The following DZIP3 variants were observed in gnomAD, a reference collection of about 807,000 sequenced individuals.
DZIP3 encodes DAZ interacting zinc finger protein 3, also known as E3 ubiquitin-protein ligase DZIP3.
A neutral mutation model predicts 162.0 loss-of-function variants in DZIP3; 118 were observed. The ratio of observed to expected loss-of-function variants is 0.73; its 90% CI spans 0.63 to 0.85. DZIP3 has a LOEUF of 0.85. DZIP3 is among the 40% of genes least tolerant of loss of function. The probability of loss-of-function intolerance (pLI) is 0.00; values close to 1 mark genes in which losing one functional copy is unlikely to be tolerated. For missense variants in DZIP3, 1,331 were observed against 1,407.0 expected, an observed-to-expected ratio of 0.95 and a Z score of 0.86; for synonymous variants, 438 against 458.6, an observed-to-expected ratio of 0.96 and a Z score of 0.57.
At chr3:108,643,836 A>G (rs1942503551) in intron 13 of DZIP3, among the ~76,000 whole-genome samples, 1 of 152,164 alleles carries the variant, frequency 6.6e-6, no homozygotes, top group Admixed American at 6.6e-5. Context: ...TTCTTGGCAA[A>G]TTTCAGAATT....
intron 11 of DZIP3, among the ~76,000 whole-genome samples, chr3:108,637,218 CTT>C (rs964934996): frequency 3.2e-4 from 49 of 151,962 alleles, no homozygotes; most frequent in South Asian, 4.2e-4. Context: ...AGAAATGTAT[CTT>C]ATTTCTTTAT....
At chr3:108,644,012 T>C in intron 13 of DZIP3, 152 bp from the exon 14 acceptor site, 1 of 885,476 alleles carries the variant, frequency 1.1e-6, no homozygotes, top group Non-Finnish European at 1.6e-6. Flanking sequence ...AGCAGCATGC[T>C]AATTGAGCAC....
chr3:108,603,497 G>A (rs1235828240), intron 1 of DZIP3, among the ~76,000 whole-genome samples: 1 of 152,142 alleles, frequency 6.6e-6, no homozygotes, highest in Non-Finnish European at 1.5e-5. Flanking sequence ...TTGGCTTACT[G>A]AATTTTTGAA....
intron 1 of DZIP3, among the ~76,000 whole-genome samples, chr3:108,598,253 T>C (rs1258230785): frequency 6.6e-6 from 1 of 152,170 alleles, no homozygotes; most frequent in African/African-American, 2.4e-5. Flanking sequence ...TTGGTAAAAT[T>C]TGGGCATGAA....
At chr3:108,620,244 T>C (rs905623521) in intron 5 of DZIP3, among the ~76,000 whole-genome samples, 3 of 152,188 alleles carry the variant, frequency 2.0e-5, no homozygotes, top group African/African-American at 7.2e-5. Flanking sequence ...TGATCAATAT[T>C]TTTATTGGGC....
intron 26 of DZIP3, among the ~76,000 whole-genome samples, chr3:108,682,527 A>C (rs1158405220): frequency 1.3e-5 from 2 of 150,826 alleles, no homozygotes; most frequent in Non-Finnish European, 1.5e-5. Flanking sequence ...AGAAAGACAA[A>C]TACTACCTGA....
intron 5 of DZIP3, among the ~76,000 whole-genome samples, chr3:108,619,324 GT>G (rs1293004099): frequency 6.7e-6 from 1 of 149,124 alleles, no homozygotes; most frequent in Admixed American, 6.6e-5. Flanking sequence ...GTGTGTGTGT[GT>G]TTTGTTTTAT....
chr3:108,611,315 T>G lies in DZIP3; in HGVS notation c.244T>G (p.Phe82Val). The G allele has an allele frequency of 6.2e-7, 1 of 1,612,450 alleles. No homozygotes were observed. Among genetic ancestry groups the G allele is most frequent in the Non-Finnish European group, 8.5e-7 (1 of 1,179,418 alleles). The change falls in exon 4 of 33, where the codon TTC becomes GTC. Residue 82 changes from phenylalanine (F) to valine (V), a missense_variant. By Grantham distance (50) the Phe-to-Val change is conservative. This residue lies in a region of DZIP3 where 1,278 missense variants were observed against 1,317.1 expected (regional missense o/e 0.97). Coordinates refer to ENST00000361582, the MANE Select transcript of DZIP3 (RefSeq NM_014648.4). ...IKKFLQEDFS[F>V]QTMQREVAAN... ...GAAGTTCTTACAAGAAGATTTTTCC[T>G]TCCAAACTATGCAGGTAACGTCATA...
At chr3:108,690,946 T>G (rs199596160) in intron 32 of DZIP3, 43 bp downstream of exon 32, 1 of 1,538,270 alleles carries the variant, frequency 6.5e-7, no homozygotes, top group Admixed American at 1.7e-5. Flanking sequence ...TCTTTTATTA[T>G]GAGCTGCTTG....
chr3:108,665,393 G>A (rs1019206399), intron 21 of DZIP3, among the ~76,000 whole-genome samples: 7 of 152,086 alleles, frequency 4.6e-5, no homozygotes, highest in African/African-American at 1.7e-4. Context: ...CTTGGGGACA[G>A]ATGAATAGAA....
chr3:108,676,813 T>C (rs1038407976), intron 25 of DZIP3, among the ~76,000 whole-genome samples: 1 of 152,258 alleles, frequency 6.6e-6, no homozygotes, highest in African/African-American at 2.4e-5. Context: ...ATGTCCTCCA[T>C]GCAGAAGTTT....
intron 22 of DZIP3, 130 bp from the exon 23 acceptor site, chr3:108,672,430 T>C: frequency 1.4e-6 from 1 of 715,736 alleles, no homozygotes. Context: ...CTCTTGTTTC[T>C]ATGTGCTCTA....
At chr3:108,611,879 C>T (rs892426966) in intron 4 of DZIP3, among the ~76,000 whole-genome samples, 13 of 151,280 alleles carry the variant, frequency 8.6e-5, no homozygotes, top group African/African-American at 1.7e-4. Context: ...GCAGGAGAAT[C>T]GGTTGAACTC....
chr3:108,688,224 A>G lies in DZIP3; in HGVS notation c.3270+128A>G. The G allele has an allele frequency of 1.2e-5, 14 of 1,142,552 alleles. No individual in the cohort carries two copies. The South Asian group carries it at 1.7e-4, about 14-fold the overall frequency. 70.8% of individuals were successfully genotyped at this position (1,142,552 alleles called of 1,614,324 possible). ...TGTAATCATATTAAATCATCTATTA[A>G]CAGTAAATAACAACTTCAACTTAAC... On this transcript the variant is annotated intron_variant, in intron 29 of 32. Coordinates refer to ENST00000361582, the MANE Select transcript of DZIP3 (RefSeq NM_014648.4).
At chr3:108,651,107 T>A (rs2969900) in intron 17 of DZIP3, 30 bp from the exon 18 acceptor site, 2 of 684,640 alleles carry the variant, frequency 2.9e-6, no homozygotes, top group Non-Finnish European at 4.2e-6. Context: ...ATAGTTGATA[T>A]AGATTACTAA....
At chr3:108,649,024 C>G (rs775720506) in intron 17 of DZIP3, 62 bp downstream of exon 17, 119 of 965,696 alleles carry the variant, frequency 1.2e-4, no homozygotes, top group Non-Finnish European at 1.6e-4. Flanking sequence ...TACATGAATT[C>G]ATTGTTAGAA....
chr3:108,592,798 T>C (rs1173243074), intron 1 of DZIP3, among the ~76,000 whole-genome samples: 3 of 152,190 alleles, frequency 2.0e-5, no homozygotes, highest in Non-Finnish European at 4.4e-5. Flanking sequence ...ATTCTTATTA[T>C]GTTTATTTAT....
chr3:108,645,988 A>G (rs1021362219), intron 14 of DZIP3, among the ~76,000 whole-genome samples: 2 of 152,234 alleles, frequency 1.3e-5, no homozygotes, highest in African/African-American at 2.4e-5. Flanking sequence ...GTTCTTACTC[A>G]AGTACACTGA....
At chr3:108,654,675 G>A (rs1943030070) in intron 19 of DZIP3, among the ~76,000 whole-genome samples, 1 of 151,862 alleles carries the variant, frequency 6.6e-6, no homozygotes, top group Non-Finnish European at 1.5e-5. Context: ...ATATAAAGCT[G>A]CTTTCATTTT....
Sources: gnomAD v4.1 joint callset for allele counts (sites outside exome capture counted in the v4.1 genomes callset) on GRCh38, gnomAD v4.1.1 for gene constraint, gnomAD v4.1.1 regional missense constraint, MANE v1.5 for transcripts, NCBI Gene and HGNC (gene_info 2026-07-23, HGNC 2026-07-21) for gene names.